ESRRB: variants seen among roughly 807,000 people sequenced by gnomAD.
The protein encoded by ESRRB is estrogen related receptor beta, also known as steroid hormone receptor ERR2.
In ESRRB, 16 loss-of-function variants were observed where a neutral mutation model predicts 46.0. The observed-to-expected ratio is 0.35, with a 90% CI of 0.24 to 0.53. The LOEUF is 0.53. ESRRB is among the 20% of genes least tolerant of loss of function. The pLI, the probability that ESRRB is intolerant of heterozygous loss-of-function variation, is 0.93. For missense variants in ESRRB, 488 were observed against 607.4 expected (o/e 0.80, Z 2.07); for synonymous variants, 246 against 259.6 (o/e 0.95, Z 0.50).
chr14:76,453,686 C>G (rs536549787), intron 2 of ESRRB, among the ~76,000 whole-genome samples: 1 of 151,676 alleles, frequency 6.6e-6, no homozygotes, highest in South Asian at 2.1e-4. Flanking sequence ...CCGCCTCAGC[C>G]TCCCTTCAAC....
chr14:76,403,222 G>A (rs1886017679), intron 1 of ESRRB, among the ~76,000 whole-genome samples: 2 of 152,180 alleles, frequency 1.3e-5, no homozygotes. Flanking sequence ...TCATTTTACA[G>A]ATAAAGAAAT....
At chr14:76,319,373 G>A (rs866889520) in intron 1 of ESRRB, among the ~76,000 whole-genome samples, 22 of 152,304 alleles carry the variant, frequency 1.4e-4, no homozygotes, top group Middle Eastern at 3.4e-3. Context: ...CAAGGGACTT[G>A]GAGAACTAAC....
intron 1 of ESRRB, among the ~76,000 whole-genome samples, chr14:76,352,899 A>G (rs1826468163): frequency 6.6e-6 from 1 of 151,638 alleles, no homozygotes; most frequent in African/African-American, 2.4e-5. Context: ...CCTAGTTCCC[A>G]CCGCGCGCCC....
At chr14:76,421,143 G>A (rs1886936783) in intron 1 of ESRRB, among the ~76,000 whole-genome samples, 1 of 152,210 alleles carries the variant, frequency 6.6e-6, no homozygotes, top group East Asian at 1.9e-4. Flanking sequence ...GCCGGAGGAG[G>A]ACAGAGCCCG....
In ESRRB at chr14:76,353,797, G is replaced by A. The variant is rs566249978; in HGVS notation, c.2+42881G>A. Reference sequence around the variant, plus strand: ...TGAGACGCTATGTCTCACTATGTTAGTTACAAAAAAATTAAAAATTATCCA... The same window carrying A: ...TGAGACGCTATGTCTCACTATGTTAATTACAAAAAAATTAAAAATTATCCA... On this transcript the variant is annotated intron_variant, in intron 1 of 6. Coordinates refer to the ESRRB transcript ENST00000512784. Among the ~76,000 whole-genome samples the A allele has an allele frequency of 2.6e-5, 4 of 151,800 alleles. No homozygotes were observed. The South Asian group carries it at 8.4e-4, about 32-fold the overall frequency.
intron 2 of ESRRB, among the ~76,000 whole-genome samples, chr14:76,456,038 GCACA>G (rs60824171): frequency 0.036 from 4,921 of 137,176 alleles, 101 homozygotes; most frequent in Middle Eastern, 0.058. Context: ...AGCGAAACTC[GCACA>G]CACACACACA....
intron 5 of ESRRB, among the ~76,000 whole-genome samples, chr14:76,489,655 G>C (rs943371107): frequency 2.6e-5 from 4 of 152,194 alleles, no homozygotes; most frequent in African/African-American, 4.8e-5. Context: ...TAATTCACTT[G>C]GAGAATGCTC....
intron 1 of ESRRB, among the ~76,000 whole-genome samples, chr14:76,313,377 GT>G (rs1883761274): frequency 6.6e-6 from 1 of 151,782 alleles, no homozygotes; most frequent in Non-Finnish European, 1.5e-5. Context: ...GTGACTTCAT[GT>G]CTGCAAAATC....
Position 76,403,681 on chromosome 14 carries a change from C to A in ESRRB, c.50+27230C>A, listed in dbSNP as rs8005655. On this transcript the variant is annotated intron_variant, in intron 1 of 6. Coordinates refer to ENST00000644823, the MANE Select transcript of ESRRB (RefSeq NM_001379180.1). ...CCTCAGAGGTGGTCCCTGAGAGTGC[C>A]AGAGAGGTGGAGGTGGTGACAGGTG... Among the ~76,000 whole-genome samples the A allele has an allele frequency of 7.7e-3, 1,179 of 152,172 alleles. 9 individuals are homozygous for A. The highest frequency in any genetic ancestry group is 0.027 in the African/African-American group (1,127 of 41,510).
intron 1 of ESRRB, among the ~76,000 whole-genome samples, chr14:76,352,863 C>A (rs1399071961): frequency 2.0e-5 from 3 of 152,238 alleles, no homozygotes; most frequent in East Asian, 3.9e-4. Flanking sequence ...CCCCCACGCG[C>A]ACACAGGCGA....
chr14:76,363,409 C>T (rs1430513533), intron 1 of ESRRB, among the ~76,000 whole-genome samples: 4 of 152,160 alleles, frequency 2.6e-5, no homozygotes, highest in African/African-American at 9.7e-5. Context: ...TGGCAGTGGA[C>T]GGTCTTCCTT....
chr14:76,457,402 G>T (rs1888658534), intron 2 of ESRRB, among the ~76,000 whole-genome samples: 1 of 151,990 alleles, frequency 6.6e-6, no homozygotes, highest in African/African-American at 2.4e-5. Context: ...GCCCAGGATG[G>T]CTTTGAATGC....
chr14:76,352,643 A>G (rs889383898), intron 1 of ESRRB, among the ~76,000 whole-genome samples: 1 of 152,212 alleles, frequency 6.6e-6, no homozygotes, highest in Non-Finnish European at 1.5e-5. Flanking sequence ...TTCTCTGACT[A>G]TAAAGTGGAG....
At chr14:76,386,067 C>T (rs74069862) in intron 1 of ESRRB, among the ~76,000 whole-genome samples, 5,991 of 152,182 alleles carry the variant, frequency 0.039, 169 homozygotes, top group East Asian at 0.13. Context: ...TATAGTCTTC[C>T]CTACAGTGAG....
At position 76,501,340 on chromosome 14, in the gene ESRRB, A is replaced by G. The variant is rs1231442430; in HGVS notation, c.*2882A>G. On this transcript the variant is annotated 3_prime_UTR_variant, in exon 7 of 7. Transcript: ENST00000644823. ...ACTTTGTGAACTCGTCATGTGTGAA[A>G]ACCAATCTTTGCATATAGGGAACTT... 2 of 152,630 alleles carry G rather than the reference A, an allele frequency of 1.3e-5. No individual in the cohort carries two copies. Among genetic ancestry groups the G allele is most frequent in the Non-Finnish European group, 2.9e-5 (2 of 68,380 alleles). The allele number at this position is 152,630 out of a possible 1,614,324, so 9.5% of individuals were successfully genotyped here. A position where few individuals can be genotyped will look rare whatever the true frequency, so the allele number is the denominator to read the frequency against.
chr14:76,412,292 CTTCATGT>C (rs1460024915), intron 1 of ESRRB, among the ~76,000 whole-genome samples: 4 of 152,188 alleles, frequency 2.6e-5, no homozygotes, highest in Non-Finnish European at 4.4e-5. Context: ...GATGGAGTGG[CTTCATGT>C]TCTTCAGTAC....
intron 1 of ESRRB, among the ~76,000 whole-genome samples, chr14:76,331,375 G>GA (rs1884011414): frequency 6.6e-6 from 1 of 152,168 alleles, no homozygotes; most frequent in Non-Finnish European, 1.5e-5. Context: ...TCTGTAAAAT[G>GA]GGGATGATAA....
intron 1 of ESRRB, among the ~76,000 whole-genome samples, chr14:76,346,948 C>T (rs1884258004): frequency 6.6e-6 from 1 of 152,360 alleles, no homozygotes; most frequent in South Asian, 2.1e-4. Flanking sequence ...CTGTGAATAA[C>T]ATCACCCCCA....
At chr14:76,412,457 C>A (rs1048810433) in intron 1 of ESRRB, among the ~76,000 whole-genome samples, 6 of 152,178 alleles carry the variant, frequency 3.9e-5, no homozygotes, top group Non-Finnish European at 7.3e-5. Flanking sequence ...CTCTCCCTCA[C>A]CACCAAGTAC....
Sources: allele counts gnomAD v4.1 joint callset (sites outside exome capture counted in the v4.1 genomes callset), GRCh38; gene constraint gnomAD v4.1.1; transcripts MANE v1.5; gene names NCBI Gene and HGNC (gene_info 2026-07-23, HGNC 2026-07-21).